Variants in ZEB1 observed in about 807,000 individuals in gnomAD.
The protein encoded by ZEB1 is zinc finger E-box-binding homeobox 1.
Under a neutral mutation model 84.9 loss-of-function variants are expected in ZEB1, and 21 were observed. That is an observed-to-expected ratio of 0.25 (90% CI 0.18 to 0.36). The LOEUF (loss-of-function observed/expected upper bound fraction) is 0.36, where lower values mean the gene tolerates loss of function less well. Among genes scored for constraint, ZEB1 ranks in the 10% least tolerant of loss-of-function variants. The probability of loss-of-function intolerance (pLI) is 1.00; values close to 1 mark genes in which losing one functional copy is unlikely to be tolerated. For missense variants in ZEB1, 1,104 were observed against 1,330.2 expected (o/e 0.83, Z 2.65); for synonymous variants, 420 against 471.1 (o/e 0.89, Z 1.41).
chr10:31,502,222 A>G (rs2068250407), intron 3 of ZEB1, 126 bp from the exon 4 acceptor site: 1 of 964,846 alleles, frequency 1.0e-6, no homozygotes, highest in African/African-American at 1.7e-5. Context: ...TTAATTTTCA[A>G]GAAATATTTT....
chr10:31,515,483 C>A (rs563539861), intron 6 of ZEB1, among the ~76,000 whole-genome samples: 109 of 152,040 alleles, frequency 7.2e-4, no homozygotes, highest in African/African-American at 2.5e-3. Flanking sequence ...AAATTATTAA[C>A]CATGAATGGG....
intron 1 of ZEB1, chr10:31,361,177 A>G (rs1037080463): frequency 4.9e-5 from 79 of 1,611,820 alleles, no homozygotes; most frequent in Non-Finnish European, 5.7e-5. Context: ...TCCTGTCCCA[A>G]AAGACCATCC....
At chr10:31,412,196 G>A (rs1205211223) in intron 1 of ZEB1, among the ~76,000 whole-genome samples, 1 of 152,070 alleles carries the variant, frequency 6.6e-6, no homozygotes, top group Non-Finnish European at 1.5e-5. Context: ...TAAATGAGAA[G>A]GGAATACTAA....
At chr10:31,495,906 A>G in intron 3 of ZEB1, 68 bp downstream of exon 3, 1 of 1,541,084 alleles carries the variant, frequency 6.5e-7, no homozygotes, top group Non-Finnish European at 9.0e-7. Context: ...CTGATTTCGC[A>G]TTTGTGAGTC....
chr10:31,386,994 T>C, intron 1 of ZEB1: 1 of 747,032 alleles, frequency 1.3e-6, no homozygotes, highest in Non-Finnish European at 1.6e-6. Context: ...ATGAAGAGAA[T>C]GTGATTTTAA....
At chr10:31,473,476 A>G (rs1385270707) in intron 2 of ZEB1, among the ~76,000 whole-genome samples, 4 of 152,206 alleles carry the variant, frequency 2.6e-5, no homozygotes, top group East Asian at 3.9e-4. Context: ...CAAACAGAAT[A>G]AAATACCTAG....
intron 1 of ZEB1, among the ~76,000 whole-genome samples, chr10:31,458,315 GTGTGTGTGTGTGTGTGTGTGT>G (rs973219892): frequency 2.0e-4 from 23 of 116,840 alleles, no homozygotes; most frequent in African/African-American, 1.4e-3. Flanking sequence ...TCCATTCCGT[GTGTGTGTGTGTGTGTGTGTGT>G]TGTGTGTGTG....
chr10:31,451,250 G>C (rs780137456), intron 1 of ZEB1, among the ~76,000 whole-genome samples: 2 of 152,124 alleles, frequency 1.3e-5, no homozygotes, highest in Non-Finnish European at 2.9e-5. Context: ...TATTTAAAAA[G>C]TAAGTTTCCT....
chr10:31,375,139 C>T (rs2046402883), intron 1 of ZEB1, among the ~76,000 whole-genome samples: 1 of 147,258 alleles, frequency 6.8e-6, no homozygotes, highest in Non-Finnish European at 1.5e-5. Flanking sequence ...ATCCAAAGAG[C>T]ATTTGGATGT....
Position 31,444,931 on chromosome 10 carries a change from T to G in ZEB1, c.59-16106T>G, listed in dbSNP as rs1017879647. On this transcript the variant is annotated intron_variant, in intron 1 of 8. Coordinates refer to ENST00000424869, the MANE Select transcript of ZEB1 (RefSeq NM_001174096.2). Reference sequence around the variant, plus strand: ...TGGTTCCATATGAACTTTAAAGTAGTTTTTTTCCAATTCTGTGAAGAAAGT... The same window carrying G: ...TGGTTCCATATGAACTTTAAAGTAGGTTTTTTCCAATTCTGTGAAGAAAGT... Among the ~76,000 whole-genome samples the G allele has an allele frequency of 7.2e-5, 11 of 151,998 alleles. No homozygotes were observed. The East Asian group carries it at 1.9e-3, about 27-fold the overall frequency.
rs527614651 is a variant in ZEB1 at position 31,325,558 on chromosome 10, A to G, written c.58+6266A>G. The stretch of plus-strand genomic sequence containing the variant: ...TTGTAGAAAACCTTACAGTATGGCA[A>G]CCTGGGAAAACCTTCATCTCTTTTG... On this transcript the variant is annotated intron_variant, in intron 1 of 8. Transcript: ENST00000424869. 1.1e-4 allele frequency among the ~76,000 whole-genome samples: 16 copies of G among 152,176 alleles called. No homozygotes were observed. The East Asian group carries it at 1.7e-3, about 17-fold the overall frequency.
chr10:31,442,596 T>G (rs2059166074), intron 1 of ZEB1, among the ~76,000 whole-genome samples: 1 of 151,694 alleles, frequency 6.6e-6, no homozygotes, highest in South Asian at 2.1e-4. Context: ...AGTGGAGCTA[T>G]CAAGTAGATA....
At chr10:31,450,637 G>C (rs1331285889) in intron 1 of ZEB1, among the ~76,000 whole-genome samples, 1 of 151,906 alleles carries the variant, frequency 6.6e-6, no homozygotes, top group African/African-American at 2.4e-5. Context: ...TCTTACAAAT[G>C]CCTGTCATTC....
chr10:31,407,783 TATC>T (rs1441481070), intron 1 of ZEB1, among the ~76,000 whole-genome samples: 1 of 151,196 alleles, frequency 6.6e-6, no homozygotes, highest in Non-Finnish European at 1.5e-5. Context: ...CCACAGCCAA[TATC>T]ATACTGAATG....
At chr10:31,363,780 C>T (rs1051678620) in intron 1 of ZEB1, 2 of 1,309,488 alleles carry the variant, frequency 1.5e-6, no homozygotes, top group African/African-American at 2.9e-5. Flanking sequence ...GACGCAGGAC[C>T]CTCTGTGGGG....
chr10:31,492,578 G>C (rs762786444), intron 2 of ZEB1, among the ~76,000 whole-genome samples: 2 of 151,858 alleles, frequency 1.3e-5, no homozygotes, highest in African/African-American at 2.4e-5. Context: ...AAGAGGAGTA[G>C]ACAAACCAGG....
chr10:31,334,904 A>C (rs2037667043), intron 1 of ZEB1, among the ~76,000 whole-genome samples: 1 of 152,182 alleles, frequency 6.6e-6, no homozygotes, highest in Non-Finnish European at 1.5e-5. Context: ...AAAAATACCA[A>C]TTCTAGACAG....
At chr10:31,446,758 T>C (rs2059836324) in intron 1 of ZEB1, among the ~76,000 whole-genome samples, 1 of 151,330 alleles carries the variant, frequency 6.6e-6, no homozygotes, top group Non-Finnish European at 1.5e-5. Flanking sequence ...TCTAGTTTGA[T>C]TGCACTGTGG....
At chr10:31,376,576 A>G (rs972048764) in intron 1 of ZEB1, among the ~76,000 whole-genome samples, 1 of 151,686 alleles carries the variant, frequency 6.6e-6, no homozygotes, top group Non-Finnish European at 1.5e-5. Flanking sequence ...ACCAAGTTGT[A>G]ATAGTTAAGA....
Sources: gnomAD v4.1 joint callset for allele counts (sites outside exome capture counted in the v4.1 genomes callset) on GRCh38, gnomAD v4.1.1 for gene constraint, MANE v1.5 for transcripts, NCBI Gene and HGNC (gene_info 2026-07-23, HGNC 2026-07-21) for gene names.